The following M1AP variants were observed in gnomAD, a reference collection of about 807,000 sequenced individuals.
M1AP encodes the protein meiosis 1 arrest protein.
M1AP carries 39 observed loss-of-function variants against 51.2 expected under a neutral mutation model. That is an observed-to-expected ratio of 0.76 (90% CI 0.59 to 1.00). The LOEUF (loss-of-function observed/expected upper bound fraction) is 1.00, where lower values mean the gene tolerates loss of function less well. Ranked by LOEUF, M1AP falls within the 50% of genes least tolerant of loss-of-function variation. M1AP has a pLI of 0.00. For missense variants in M1AP, 545 were observed against 641.2 expected (o/e 0.85, Z 1.62); for synonymous variants, 251 against 249.2 (o/e 1.01, Z -0.07).
Position 74,565,825 on chromosome 2 carries a change from TCACACACACACACACACACACA to T in M1AP, c.1075-3424_1075-3403del, listed in dbSNP as rs72206117. 4.3e-4 allele frequency among the ~76,000 whole-genome samples: 59 copies of T among 138,096 alleles called. 1 individual carries two copies. Among genetic ancestry groups the T allele is most frequent in the African/African-American group, 1.4e-3 (52 of 37,514 alleles). The allele number at this position is 138,096 out of a possible 152,430, so 90.6% of individuals were successfully genotyped here. A position where few individuals can be genotyped will look rare whatever the true frequency, so the allele number is the denominator to read the frequency against. Reference sequence around the variant, plus strand: ...GCCTGGGCAACAGAGTGAGATGCCGTCACACACACACACACACACACACACACACACACACACACACAAACAT... The same window carrying T: ...GCCTGGGCAACAGAGTGAGATGCCGTCACACACACACACACACACAAACAT... On this transcript the variant is annotated intron_variant, in intron 7 of 10. Coordinates refer to ENST00000421985, the MANE Select transcript of M1AP (RefSeq NM_001321739.2).
intron 2 of M1AP, among the ~76,000 whole-genome samples, chr2:74,635,150 CA>C (rs1349631336): frequency 6.6e-6 from 1 of 152,058 alleles, no homozygotes; most frequent in Non-Finnish European, 1.5e-5. Context: ...ATTATGAATT[CA>C]GTTCCTTTAA....
chr2:74,574,887 A>C (rs967612713), intron 7 of M1AP, among the ~76,000 whole-genome samples: 1 of 152,196 alleles, frequency 6.6e-6, no homozygotes, highest in Admixed American at 6.5e-5. Flanking sequence ...CTTATCTTGT[A>C]GGTCTTAGTT....
At chr2:74,643,590 C>CTTT (rs1161305967) in intron 1 of M1AP, among the ~76,000 whole-genome samples, 270 of 130,080 alleles carry the variant, frequency 2.1e-3, no homozygotes, top group Non-Finnish European at 3.4e-3. Context: ...TGGTAATGTT[C>CTTT]TTTTTTTTTT....
chr2:74,590,222 A>G (rs1441456600), intron 4 of M1AP, among the ~76,000 whole-genome samples: 2 of 152,160 alleles, frequency 1.3e-5, no homozygotes, highest in Admixed American at 6.5e-5. Context: ...GGCAGATTCA[A>G]TGTCTGGGGA....
At chr2:74,594,882 AT>A (rs1343073186) in intron 4 of M1AP, among the ~76,000 whole-genome samples, 1 of 152,196 alleles carries the variant, frequency 6.6e-6, no homozygotes, top group Non-Finnish European at 1.5e-5. Context: ...CTATCTCAAA[AT>A]AAAAAAGATA....
chr2:74,572,463 G>A (rs1287594358), intron 7 of M1AP, among the ~76,000 whole-genome samples: 1 of 152,152 alleles, frequency 6.6e-6, no homozygotes, highest in South Asian at 2.1e-4. Context: ...TGGGACTACA[G>A]GTGTGAGTCA....
chr2:74,638,181 A>C (rs1185242599), intron 2 of M1AP, among the ~76,000 whole-genome samples: 1 of 151,740 alleles, frequency 6.6e-6, no homozygotes, highest in East Asian at 1.9e-4. Flanking sequence ...CAGCCTCCCG[A>C]GTAGCTGGGA....
At chr2:74,603,754 G>C (rs1680807556) in intron 4 of M1AP, among the ~76,000 whole-genome samples, 1 of 152,214 alleles carries the variant, frequency 6.6e-6, no homozygotes. Flanking sequence ...AACAATGTTA[G>C]TGGCTGCATG....
chr2:74,561,172 G>GAGGAGGAGGAGA (rs1183549241), intron 8 of M1AP, among the ~76,000 whole-genome samples: 1 of 127,296 alleles, frequency 7.9e-6, no homozygotes. Context: ...GGAGGAGAAG[G>GAGGAGGAGGAGA]AGGAGGAGGA....
intron 3 of M1AP, among the ~76,000 whole-genome samples, chr2:74,610,737 T>C (rs2104718341): frequency 6.6e-6 from 1 of 152,236 alleles, no homozygotes; most frequent in East Asian, 1.9e-4. Context: ...CGTGAGCTAC[T>C]GCACCTGGTA....
intron 4 of M1AP, among the ~76,000 whole-genome samples, chr2:74,589,291 GAAGT>G (rs984405590): frequency 4.5e-4 from 68 of 152,344 alleles, no homozygotes; most frequent in African/African-American, 1.6e-3. Flanking sequence ...AATAAGGAAG[GAAGT>G]GAGGACTAGC....
chr2:74,639,830 T>G (rs1683189562), intron 2 of M1AP, among the ~76,000 whole-genome samples: 1 of 152,196 alleles, frequency 6.6e-6, no homozygotes, highest in Non-Finnish European at 1.5e-5. Context: ...ACTCCCAGAT[T>G]AATAATTTTG....
At chr2:74,648,069 G>C in intron 1 of M1AP, 196 bp downstream of exon 1, 1 of 985,516 alleles carries the variant, frequency 1.0e-6, no homozygotes, top group Non-Finnish European at 1.2e-6. Flanking sequence ...GCCCAGAACA[G>C]TATGCGGAGG....
intron 2 of M1AP, among the ~76,000 whole-genome samples, chr2:74,636,474 C>T (rs895934252): frequency 3.3e-5 from 5 of 151,892 alleles, no homozygotes; most frequent in African/African-American, 1.2e-4. Context: ...GATATGTTAG[C>T]CTGCCAATTT....
chr2:74,611,670 T>C (rs890454513), intron 3 of M1AP, among the ~76,000 whole-genome samples: 5 of 151,602 alleles, frequency 3.3e-5, no homozygotes, highest in Admixed American at 2.6e-4. Context: ...CCATCTCTAC[T>C]AAAAATACAA....
At chr2:74,640,440 C>G in intron 1 of M1AP, 113 bp from the exon 2 acceptor site, 1 of 838,504 alleles carries the variant, frequency 1.2e-6, no homozygotes, top group African/African-American at 1.7e-5. Context: ...AGATTGGGTA[C>G]TAAAGCTTGT....
Position 74,558,595 on chromosome 2 carries a change from AG to A in M1AP, c.*120del. 8.5e-7 allele frequency: 1 copy of A among 1,175,938 alleles called. No individual in the cohort carries two copies. The highest frequency in any genetic ancestry group is 1.2e-6 in the Non-Finnish European group (1 of 824,102). 72.8% of individuals were successfully genotyped at this position (1,175,938 alleles called of 1,614,324 possible). On this transcript the variant is annotated 3_prime_UTR_variant, in exon 11 of 11. Coordinates refer to ENST00000421985, the MANE Select transcript of M1AP (RefSeq NM_001321739.2). ...CAGGACAGGAAGGCTGTTGTTTCCC[AG>A]TCAGCCCTCACTCACAGAGGCTCAG...
At chr2:74,636,918 C>G (rs890013076) in intron 2 of M1AP, among the ~76,000 whole-genome samples, 1 of 152,044 alleles carries the variant, frequency 6.6e-6, no homozygotes, top group Non-Finnish European at 1.5e-5. Context: ...ACATGATGTG[C>G]CTTAATGTAG....
chr2:74,648,166 G>A (rs1683716422), intron 1 of M1AP, 99 bp downstream of exon 1: 1 of 958,258 alleles, frequency 1.0e-6, no homozygotes, highest in South Asian at 4.8e-5. Context: ...ACACCTGCCT[G>A]AGGACTGGCC....
Sources: allele counts gnomAD v4.1 joint callset (sites outside exome capture counted in the v4.1 genomes callset), GRCh38; gene constraint gnomAD v4.1.1; transcripts MANE v1.5; gene names NCBI Gene and HGNC (gene_info 2026-07-23, HGNC 2026-07-21).